DLG2: variants seen among roughly 807,000 people sequenced by gnomAD.
The protein encoded by DLG2 is disks large homolog 2.
DLG2 carries 45 observed loss-of-function variants against 132.5 expected under a neutral mutation model. That is an observed-to-expected ratio of 0.34 (90% CI 0.27 to 0.44). The LOEUF (loss-of-function observed/expected upper bound fraction) is 0.44, where lower values mean the gene tolerates loss of function less well. Ranked by LOEUF, DLG2 falls within the 20% of genes least tolerant of loss-of-function variation. DLG2 has a pLI of 1.00. For synonymous variants in DLG2, 424 were observed against 419.6 expected (o/e 1.01, Z -0.13); for missense variants, 1,045 against 1,196.9 (o/e 0.87, Z 1.87).
At chr11:84,020,421 T>A (rs1566068395) in intron 11 of DLG2, among the ~76,000 whole-genome samples, 1 of 152,160 alleles carries the variant, frequency 6.6e-6, no homozygotes. Flanking sequence ...AACAGGTATA[T>A]AAATAAAAAT....
Position 84,379,166 on chromosome 11 carries a change from A to C in DLG2, c.520-127875T>G, listed in dbSNP as rs75752976. Among the ~76,000 whole-genome samples, 117 of 152,282 alleles carry C rather than the reference A, an allele frequency of 7.7e-4. 2 individuals carry two copies. The East Asian group carries it at 0.021, about 27-fold the overall frequency. On this transcript the variant is annotated intron_variant, in intron 7 of 27. Coordinates refer to ENST00000376104, the MANE Select transcript of DLG2 (RefSeq NM_001142699.3). ...CAATAAATCCAGCCACAAAATTTTC[A>C]AGAAAGTGAATCATCATGATTGAGA... is the stretch of plus-strand genomic sequence containing the variant.
At chr11:84,677,264 T>C (rs1202519930) in intron 6 of DLG2, among the ~76,000 whole-genome samples, 1 of 152,062 alleles carries the variant, frequency 6.6e-6, no homozygotes, top group African/African-American at 2.4e-5. Context: ...CCAAGATAAG[T>C]GCATTTCAGG....
intron 7 of DLG2, among the ~76,000 whole-genome samples, chr11:84,283,377 G>C (rs2097873296): frequency 6.6e-6 from 1 of 152,172 alleles, no homozygotes; most frequent in Non-Finnish European, 1.5e-5. Context: ...TATCTCATAG[G>C]ATTGTTGAGG....
intron 19 of DLG2, among the ~76,000 whole-genome samples, chr11:83,630,135 G>T (rs2063315218): frequency 6.6e-6 from 1 of 152,026 alleles, no homozygotes; most frequent in South Asian, 2.1e-4. Flanking sequence ...AAATAGAGAG[G>T]GTTGGCTCAT....
intron 15 of DLG2, among the ~76,000 whole-genome samples, chr11:83,914,921 G>A (rs1376326865): frequency 6.6e-6 from 1 of 152,122 alleles, no homozygotes; most frequent in African/African-American, 2.4e-5. Context: ...CTGTGGGTGT[G>A]GATGTGTTCC....
intron 4 of DLG2, among the ~76,000 whole-genome samples, chr11:85,196,246 G>A (rs748801361): frequency 3.9e-5 from 6 of 152,130 alleles, no homozygotes; most frequent in African/African-American, 1.4e-4. Flanking sequence ...AAACTACCAC[G>A]CACACATACT....
At chr11:84,255,581 C>G (rs1011270461) in intron 7 of DLG2, among the ~76,000 whole-genome samples, 2 of 152,146 alleles carry the variant, frequency 1.3e-5, no homozygotes, top group Non-Finnish European at 2.9e-5. Context: ...GCCTCGGCCC[C>G]CAAAGCGCTG....
chr11:84,689,675 T>C (rs1403638912), intron 6 of DLG2, among the ~76,000 whole-genome samples: 1 of 152,056 alleles, frequency 6.6e-6, no homozygotes, highest in Non-Finnish European at 1.5e-5. Context: ...GTACAATCAG[T>C]TATACGTCAT....
intron 8 of DLG2, among the ~76,000 whole-genome samples, chr11:84,249,692 T>C (rs1275011295): frequency 6.6e-6 from 1 of 152,218 alleles, no homozygotes; most frequent in Non-Finnish European, 1.5e-5. Flanking sequence ...AGTAAGAGAA[T>C]AGTGGATGTA....
At chr11:85,469,117 G>T (rs370820780) in intron 3 of DLG2, among the ~76,000 whole-genome samples, 1 of 152,168 alleles carries the variant, frequency 6.6e-6, no homozygotes, top group African/African-American at 2.4e-5. Flanking sequence ...TATTATCACT[G>T]TTCTATTTCT....
At chr11:85,614,371 G>A (rs1257973036) in intron 2 of DLG2, among the ~76,000 whole-genome samples, 1 of 151,932 alleles carries the variant, frequency 6.6e-6, no homozygotes, top group Non-Finnish European at 1.5e-5. Context: ...GCCGGGCATG[G>A]TGGCTGACAC....
At chr11:84,982,009 T>G (rs2154119966) in intron 6 of DLG2, among the ~76,000 whole-genome samples, 1 of 152,308 alleles carries the variant, frequency 6.6e-6, no homozygotes. Context: ...CCTTTTCTTT[T>G]GGCAATACTT....
At chr11:84,784,306 G>A (rs113902944) in intron 6 of DLG2, among the ~76,000 whole-genome samples, 39,522 of 143,440 alleles carry the variant, frequency 0.28, 5,783 homozygotes, top group Middle Eastern at 0.33. Flanking sequence ...GGCAACAAGA[G>A]CGAAACTCCA....
chr11:85,300,409 G>A (rs894669750), intron 3 of DLG2, among the ~76,000 whole-genome samples: 1 of 152,186 alleles, frequency 6.6e-6, no homozygotes, highest in East Asian at 1.9e-4. Flanking sequence ...AACTCCTCAG[G>A]GATACAGTAA....
At chr11:84,001,575 T>C (rs1375381835) in intron 11 of DLG2, among the ~76,000 whole-genome samples, 1 of 152,110 alleles carries the variant, frequency 6.6e-6, no homozygotes, top group Non-Finnish European at 1.5e-5. Context: ...AACATTAAAG[T>C]AGACTTTAGA....
intron 7 of DLG2, among the ~76,000 whole-genome samples, chr11:84,337,967 G>A (rs1219506924): frequency 6.6e-6 from 1 of 151,830 alleles, no homozygotes; most frequent in Admixed American, 6.6e-5. Flanking sequence ...AAGACAGAAA[G>A]ATCAAACAAA....
intron 19 of DLG2, among the ~76,000 whole-genome samples, chr11:83,547,958 T>C (rs545143026): frequency 3.9e-5 from 6 of 152,230 alleles, no homozygotes; most frequent in Admixed American, 3.3e-4. Context: ...TAAGAAGAGA[T>C]TGCAGAAATA....
chr11:84,861,640 C>CAAAAAAAAAAAAAAAAA (rs1248486704), intron 6 of DLG2, among the ~76,000 whole-genome samples: 3 of 75,652 alleles, frequency 4.0e-5, no homozygotes, highest in Admixed American at 1.8e-4. Flanking sequence ...AAAAAAAAAA[C>CAAAAAAAAAAAAAAAAA]AAAAAAAAAA....
intron 9 of DLG2, among the ~76,000 whole-genome samples, chr11:84,160,679 G>C (rs537398524): frequency 2.6e-4 from 39 of 152,268 alleles, no homozygotes; most frequent in African/African-American, 9.1e-4. Context: ...TAAAAAGCAA[G>C]ATAGGGCTTG....
Sources: gnomAD v4.1 joint callset for allele counts (sites outside exome capture counted in the v4.1 genomes callset) on GRCh38, gnomAD v4.1.1 for gene constraint, MANE v1.5 for transcripts, NCBI Gene and HGNC (gene_info 2026-07-23, HGNC 2026-07-21) for gene names.